Variants in SLC16A9 observed in about 807,000 individuals in gnomAD.
SLC16A9 encodes the protein monocarboxylate transporter 9.
Under a neutral mutation model 44.3 loss-of-function variants are expected in SLC16A9, and 26 were observed. That is an observed-to-expected ratio of 0.59 (90% CI 0.43 to 0.81). The LOEUF is 0.81. Ranked by LOEUF, SLC16A9 falls within the 40% of genes least tolerant of loss-of-function variation. The probability of loss-of-function intolerance (pLI) is 0.00; values close to 1 mark genes in which losing one functional copy is unlikely to be tolerated. For missense variants in SLC16A9, 559 were observed against 595.8 expected (o/e 0.94, Z 0.64); for synonymous variants, 230 against 225.1 (o/e 1.02, Z -0.19).
At chr10:59,689,816 A>G (rs57171975) in intron 1 of SLC16A9, among the ~76,000 whole-genome samples, 1,718 of 152,354 alleles carry the variant, frequency 0.011, 34 homozygotes, top group African/African-American at 0.039. Flanking sequence ...AAGCTGAGGA[A>G]TATTGTTGAT....
intron 4 of SLC16A9, among the ~76,000 whole-genome samples, chr10:59,658,669 C>A (rs1839403116): frequency 6.6e-6 from 1 of 152,194 alleles, no homozygotes; most frequent in Non-Finnish European, 1.5e-5. Context: ...ACAGGTTCTG[C>A]AAACTGCATT....
At chr10:59,670,409 A>T (rs1212765858) in intron 3 of SLC16A9, among the ~76,000 whole-genome samples, 1 of 152,206 alleles carries the variant, frequency 6.6e-6, no homozygotes, top group East Asian at 1.9e-4. Flanking sequence ...CTCCTATAAG[A>T]CGGGTGCTAT....
chr10:59,670,218 CCT>C (rs1839714105), intron 3 of SLC16A9, among the ~76,000 whole-genome samples: 1 of 152,136 alleles, frequency 6.6e-6, no homozygotes, highest in African/African-American at 2.4e-5. Context: ...TCTCTGTATG[CCT>C]CTTTATAAAC....
At chr10:59,693,680 C>T (rs1840302550) in intron 1 of SLC16A9, among the ~76,000 whole-genome samples, 1 of 151,954 alleles carries the variant, frequency 6.6e-6, no homozygotes, top group Non-Finnish European at 1.5e-5. Context: ...AGTGCAGTGG[C>T]GTGATCTCGG....
chr10:59,668,983 G>C (rs1384763639), intron 3 of SLC16A9, among the ~76,000 whole-genome samples: 1 of 151,994 alleles, frequency 6.6e-6, no homozygotes, highest in Non-Finnish European at 1.5e-5. Flanking sequence ...CTACAAACAT[G>C]TTCTTTTCCC....
In SLC16A9 at chr10:59,651,585, G is replaced by A. The variant is rs900009940; in HGVS notation, c.*1187C>T. On this transcript the variant is annotated 3_prime_UTR_variant, in exon 6 of 6. Coordinates refer to ENST00000395348, the MANE Select transcript of SLC16A9 (RefSeq NM_194298.3). ...CTATATTTTCAAAAAGATCTATAGG[G>A]AATTCTGATGCATACCAAAGTTTAA... is the stretch of plus-strand genomic sequence containing the variant. 6.6e-6 allele frequency: 1 copy of A among 151,980 alleles called. No homozygotes were observed. The highest frequency in any genetic ancestry group is 1.5e-5 in the Non-Finnish European group (1 of 67,998). 9.4% of individuals were successfully genotyped at this position (151,980 alleles called of 1,614,324 possible).
chr10:59,670,952 G>C (rs12268837), intron 3 of SLC16A9, among the ~76,000 whole-genome samples: 4,543 of 152,120 alleles, frequency 0.03, 218 homozygotes, highest in African/African-American at 0.1. Context: ...CAATAATTAC[G>C]GTGGTGAGAG....
Position 59,652,898 on chromosome 10 carries a change from G to A in SLC16A9, c.1404C>T (p.Gly468=). 5 of 1,613,770 alleles carry A rather than the reference G, an allele frequency of 3.1e-6. No homozygotes were observed. The highest frequency in any genetic ancestry group is 3.4e-6 in the Non-Finnish European group (4 of 1,179,870). ...QTYDIAFYFS[G]FCVLLGGFIL... ...TAAAACCTCCCAGCAGGACGCAGAAGCCACTAAAATAAAATGCAATATCAT... is the reference window on the plus strand; with the variant it reads ...TAAAACCTCCCAGCAGGACGCAGAAACCACTAAAATAAAATGCAATATCAT... The change falls in exon 6 of 6, where the codon GGC becomes GGT. Residue 468 remains glycine, a synonymous_variant. Coordinates refer to ENST00000395348, the MANE Select transcript of SLC16A9 (RefSeq NM_194298.3).
At chr10:59,696,901 C>A (rs1196320847) in intron 1 of SLC16A9, among the ~76,000 whole-genome samples, 6 of 142,722 alleles carry the variant, frequency 4.2e-5, no homozygotes, top group Admixed American at 1.4e-4. Context: ...GGAGCGTCTC[C>A]GCCCGACAGC....
At chr10:59,702,007 C>T (rs1302383423) in intron 1 of SLC16A9, among the ~76,000 whole-genome samples, 3 of 152,212 alleles carry the variant, frequency 2.0e-5, no homozygotes, top group Non-Finnish European at 4.4e-5. Context: ...ACAAGTCTAT[C>T]ACATATGCCT....
At chr10:59,668,717 A>G (rs1228926398) in intron 3 of SLC16A9, among the ~76,000 whole-genome samples, 1 of 152,238 alleles carries the variant, frequency 6.6e-6, no homozygotes, top group African/African-American at 2.4e-5. Context: ...ATGAGTACAA[A>G]AAAAATCCAT....
intron 3 of SLC16A9, among the ~76,000 whole-genome samples, 182 bp downstream of exon 3, chr10:59,672,588 A>C (rs1839774247): frequency 6.6e-6 from 1 of 152,206 alleles, no homozygotes; most frequent in Middle Eastern, 3.2e-3. Context: ...TCTTTCAAAC[A>C]TTTTGATTCA....
Position 59,660,537 on chromosome 10 carries a change from T to C in SLC16A9, c.436+3690A>G, listed in dbSNP as rs185174667. Among the ~76,000 whole-genome samples, 766 of 152,098 alleles carry C rather than the reference T, an allele frequency of 5.0e-3. 10 individuals are homozygous for C. Among genetic ancestry groups the C allele is most frequent in the South Asian group, 0.011 (54 of 4,822 alleles). On this transcript the variant is annotated intron_variant, in intron 4 of 5. Coordinates refer to ENST00000395348, the MANE Select transcript of SLC16A9 (RefSeq NM_194298.3). ...GCCTACCAACCCAAAAAAATGCCCA[T>C]GACCAGGCGGATTCACAGCCAAATT...
chr10:59,682,740 A>G (rs1267660989), intron 2 of SLC16A9, among the ~76,000 whole-genome samples: 1 of 152,230 alleles, frequency 6.6e-6, no homozygotes, highest in Non-Finnish European at 1.5e-5. Flanking sequence ...AAATCAATAC[A>G]TTCAAATCAC....
In SLC16A9 at chr10:59,664,310, C is replaced by T; in HGVS notation, c.353G>A (p.Gly118Asp). ...SYGIVVGLGC[G>D]LLYTATVTIT... Reference sequence around the variant, plus strand: ...GGTCACTGTTGCAGTGTATAATAAACCACATCCAAGACCTAAGCATGAGAA... The same window carrying T: ...GGTCACTGTTGCAGTGTATAATAAATCACATCCAAGACCTAAGCATGAGAA... The change falls in exon 4 of 6, where the codon GGT becomes GAT. Residue 118 changes from glycine (G) to aspartate (D), a missense_variant. By Grantham distance (94) the Gly-to-Asp change is moderately conservative. Coordinates refer to ENST00000395348, the MANE Select transcript of SLC16A9 (RefSeq NM_194298.3). 2.5e-6 allele frequency: 4 copies of T among 1,609,726 alleles called. No individual in the cohort carries two copies. The highest frequency in any genetic ancestry group is 1.3e-5 in the African/African-American group (1 of 74,846).
chr10:59,679,426 C>A (rs930716185), intron 2 of SLC16A9, among the ~76,000 whole-genome samples: 1 of 152,260 alleles, frequency 6.6e-6, no homozygotes, highest in East Asian at 1.9e-4. Context: ...CCAGACAATA[C>A]CTGCCTAGCT....
At chr10:59,668,012 G>A (rs1036937490) in intron 3 of SLC16A9, among the ~76,000 whole-genome samples, 1 of 151,178 alleles carries the variant, frequency 6.6e-6, no homozygotes, top group African/African-American at 2.4e-5. Flanking sequence ...TCACACCCAC[G>A]GCCTAAATTA....
At chr10:59,662,633 C>CAAAAAAAAAAAAAAAAAAAAAA (rs71006278) in intron 4 of SLC16A9, among the ~76,000 whole-genome samples, 2 of 43,632 alleles carry the variant, frequency 4.6e-5, no homozygotes, top group East Asian at 6.6e-4. Context: ...AACTCCATCT[C>CAAAAAAAAAAAAAAAAAAAAAA]AAAAAAAAAA....
intron 2 of SLC16A9, among the ~76,000 whole-genome samples, chr10:59,677,887 T>A (rs902454563): frequency 7.2e-5 from 11 of 152,064 alleles, no homozygotes; most frequent in South Asian, 2.1e-4. Context: ...ATTATTTTTT[T>A]AATTTATTAT....
Sources: gnomAD v4.1 joint callset for allele counts (sites outside exome capture counted in the v4.1 genomes callset) on GRCh38, gnomAD v4.1.1 for gene constraint, MANE v1.5 for transcripts, NCBI Gene and HGNC (gene_info 2026-07-23, HGNC 2026-07-21) for gene names.